Variants in CFAP61 observed in about 807,000 individuals in gnomAD.
CFAP61 encodes cilia- and flagella-associated protein 61.
In CFAP61, 107 loss-of-function variants were observed where a neutral mutation model predicts 135.6. That is an observed-to-expected ratio of 0.79 (90% confidence interval 0.67 to 0.93). The LOEUF (loss-of-function observed/expected upper bound fraction) is 0.93, where lower values mean the gene tolerates loss of function less well. CFAP61 is among the 40% of genes least tolerant of loss of function. The pLI is 0.00. For missense variants in CFAP61, 1,507 were observed against 1,556.2 expected, an observed-to-expected ratio of 0.97 and a Z score of 0.53; for synonymous variants, 575 against 578.5, an observed-to-expected ratio of 0.99 and a Z score of 0.09.
At chr20:20,280,090 T>C (rs2054081081) in intron 22 of CFAP61, among the ~76,000 whole-genome samples, 1 of 152,150 alleles carries the variant, frequency 6.6e-6, no homozygotes, top group Non-Finnish European at 1.5e-5. Flanking sequence ...CATGACCTTA[T>C]TTGGAAATAA....
intron 17 of CFAP61, 151 bp downstream of exon 17, chr20:20,200,053 C>T: frequency 4.4e-6 from 4 of 907,160 alleles, no homozygotes; most frequent in Non-Finnish European, 6.6e-6. Context: ...CCCGCGAAGG[C>T]TCCCCTGCAG....
At chr20:20,272,659 C>G (rs542844857) in intron 21 of CFAP61, among the ~76,000 whole-genome samples, 3 of 152,240 alleles carry the variant, frequency 2.0e-5, no homozygotes, top group South Asian at 2.1e-4. Context: ...TTCACTTGCC[C>G]TCGGTTTGTC....
At chr20:20,360,017 A>G (rs2059416363) in intron 26 of CFAP61, among the ~76,000 whole-genome samples, 193 bp from the exon 27 acceptor site, 1 of 152,246 alleles carries the variant, frequency 6.6e-6, no homozygotes, top group Admixed American at 6.5e-5. Context: ...ACTGAACTGT[A>G]CACCTAAAAA....
chr20:20,262,144 G>T (rs2424302), intron 20 of CFAP61, among the ~76,000 whole-genome samples: 94,800 of 151,998 alleles, frequency 0.62, 30,418 homozygotes, highest in East Asian at 0.96. Flanking sequence ...CACATCCAAT[G>T]CATTCCCATG....
chr20:20,254,620 C>T (rs2051368106), intron 20 of CFAP61, among the ~76,000 whole-genome samples: 1 of 152,202 alleles, frequency 6.6e-6, no homozygotes, highest in Non-Finnish European at 1.5e-5. Flanking sequence ...ACAGAAAGGG[C>T]AGCTGAATTC....
At chr20:20,123,730 A>T (rs1484816855) in intron 8 of CFAP61, among the ~76,000 whole-genome samples, 1 of 151,666 alleles carries the variant, frequency 6.6e-6, no homozygotes, top group Non-Finnish European at 1.5e-5. Context: ...TTTTGGTTCC[A>T]TATGAATTTT....
intron 25 of CFAP61, chr20:20,323,051 T>C: frequency 2.0e-6 from 2 of 985,486 alleles, no homozygotes; most frequent in Non-Finnish European, 2.4e-6. Context: ...TTGTGATCAC[T>C]GTTCTTAGAC....
intron 22 of CFAP61, among the ~76,000 whole-genome samples, chr20:20,278,778 T>A (rs941663): frequency 0.55 from 84,081 of 151,932 alleles, 23,792 homozygotes; most frequent in Middle Eastern, 0.66. Flanking sequence ...AGATTTTTTT[T>A]AGAATCTCTC....
intron 17 of CFAP61, 37 bp downstream of exon 17, chr20:20,199,939 C>T (rs1378085481): frequency 3.1e-6 from 5 of 1,609,300 alleles, no homozygotes; most frequent in Non-Finnish European, 2.5e-6. Context: ...GGCGCGGTGC[C>T]AGCTCCCGCG....
chr20:20,269,188 C>CAT (rs376367660), intron 21 of CFAP61, among the ~76,000 whole-genome samples: 66,361 of 130,714 alleles, frequency 0.51, 18,596 homozygotes, highest in Middle Eastern at 0.69. Context: ...TATACACACA[C>CAT]ATATATACAT....
chr20:20,164,196 G>C lies in CFAP61; in HGVS notation c.1173G>C (p.Gln391His), dbSNP rs1333916461. The C allele has an allele frequency of 1.2e-6, 2 of 1,613,810 alleles. No homozygotes were observed. Among genetic ancestry groups the C allele is most frequent in the South Asian group, 2.2e-5 (2 of 91,046 alleles). The change falls in exon 11 of 27, where the codon CAG becomes CAC. Residue 391 changes from glutamine to histidine, a missense_variant. Coordinates refer to ENST00000245957, the MANE Select transcript of CFAP61 (RefSeq NM_015585.4). ...GAGCCTCAGCTGCTTTTTGTATTCA[G>C]CTGTTTTGTATTGATGAGAAATATG... ...YRGASAAFCI[Q>H]LFCIDEKYEA...
intron 25 of CFAP61, among the ~76,000 whole-genome samples, chr20:20,309,244 A>G (rs2056669569): frequency 6.6e-6 from 1 of 152,220 alleles, no homozygotes; most frequent in African/African-American, 2.4e-5. Flanking sequence ...TTCCACTCCA[A>G]AAGCAATATG....
intron 16 of CFAP61, among the ~76,000 whole-genome samples, chr20:20,197,786 T>C (rs1006324126): frequency 4.0e-5 from 6 of 151,866 alleles, no homozygotes; most frequent in Non-Finnish European, 8.8e-5. Context: ...GACTTGGGGG[T>C]GAAGGGATTC....
At chr20:20,335,822 T>G (rs1226238212) in intron 25 of CFAP61, among the ~76,000 whole-genome samples, 1 of 152,172 alleles carries the variant, frequency 6.6e-6, no homozygotes, top group Non-Finnish European at 1.5e-5. Flanking sequence ...CTGGGGTGAT[T>G]AAGAGAGTTG....
chr20:20,151,982 C>T (rs1458068610), intron 9 of CFAP61, among the ~76,000 whole-genome samples: 1 of 151,954 alleles, frequency 6.6e-6, no homozygotes, highest in Non-Finnish European at 1.5e-5. Flanking sequence ...CATCAGGCGA[C>T]CTATAAAGGA....
At chr20:20,209,530 G>C (rs2047480323) in intron 17 of CFAP61, among the ~76,000 whole-genome samples, 1 of 152,118 alleles carries the variant, frequency 6.6e-6, no homozygotes, top group African/African-American at 2.4e-5. Context: ...TCTTTTTTAT[G>C]TCAGATACAG....
chr20:20,196,082 C>A (rs1018422935), intron 15 of CFAP61, among the ~76,000 whole-genome samples: 1 of 152,160 alleles, frequency 6.6e-6, no homozygotes, highest in African/African-American at 2.4e-5. Flanking sequence ...CTGTCTCAAA[C>A]TAAACAAAAC....
intron 17 of CFAP61, among the ~76,000 whole-genome samples, chr20:20,205,759 T>G (rs2056828764): frequency 6.6e-6 from 1 of 152,248 alleles, no homozygotes; most frequent in African/African-American, 2.4e-5. Flanking sequence ...TCAGGCTGTC[T>G]GCAGTTAGCT....
intron 25 of CFAP61, among the ~76,000 whole-genome samples, chr20:20,315,854 A>G (rs977241203): frequency 1.1e-4 from 16 of 152,232 alleles, no homozygotes; most frequent in African/African-American, 3.9e-4. Flanking sequence ...TTGTAGATAC[A>G]TGGCGTTATT....
Sources: gnomAD v4.1 joint callset for allele counts (sites outside exome capture counted in the v4.1 genomes callset) on GRCh38, gnomAD v4.1.1 for gene constraint, MANE v1.5 for transcripts, NCBI Gene and HGNC (gene_info 2026-07-23, HGNC 2026-07-21) for gene names.